The following SYNDIG1 variants were observed in gnomAD, a reference collection of about 807,000 sequenced individuals.
SYNDIG1 encodes the protein synapse differentiation inducing 1.
In SYNDIG1, 9 loss-of-function variants were observed where a neutral mutation model predicts 19.4. The ratio of observed to expected loss-of-function variants is 0.46; its 90% CI spans 0.28 to 0.81. SYNDIG1 has a LOEUF of 0.81. Ranked by LOEUF, SYNDIG1 falls within the 30% of genes least tolerant of loss-of-function variation. The pLI, the probability that SYNDIG1 is intolerant of heterozygous loss-of-function variation, is 0.12. For missense variants in SYNDIG1, 311 were observed against 343.3 expected (o/e 0.91, Z 0.74); for synonymous variants, 141 against 145.9 (o/e 0.97, Z 0.24).
rs60892856 is a variant in SYNDIG1 at position 24,560,063 on chromosome 20, C to CTTTTTTTTTTTTTTTTTTTTTTT, written c.480+16492_480+16514dup. On this transcript the variant is annotated intron_variant, in intron 2 of 3. Coordinates refer to ENST00000376862, the MANE Select transcript of SYNDIG1 (RefSeq NM_024893.3). ...TTTTTTTTAACATTTCTCTCCTCTC[C>CTTTTTTTTTTTTTTTTTTTTTTT]TTTTTTTTTTTTTTTTTTTTTTTTT... Among the ~76,000 whole-genome samples, 2 of 43,062 alleles carry CTTTTTTTTTTTTTTTTTTTTTTT rather than the reference C, an allele frequency of 4.6e-5. 1 individual carries two copies. Among genetic ancestry groups the CTTTTTTTTTTTTTTTTTTTTTTT allele is most frequent in the African/African-American group, 3.0e-4 (2 of 6,684 alleles). 28.3% of individuals were successfully genotyped at this position (43,062 alleles called of 152,430 possible).
chr20:24,584,726 G>T (rs952007606), intron 2 of SYNDIG1, 130 bp from the exon 3 acceptor site: 1 of 1,269,786 alleles, frequency 7.9e-7, no homozygotes, highest in Non-Finnish European at 1.1e-6. Flanking sequence ...CTCGAACAAC[G>T]TCAGCAACTG....
intron 2 of SYNDIG1, among the ~76,000 whole-genome samples, chr20:24,572,276 C>T (rs1374624418): frequency 6.6e-6 from 1 of 152,198 alleles, no homozygotes. Flanking sequence ...ATCCTTGCAA[C>T]CTAGGCAGCC....
chr20:24,480,298 A>G (rs934515191), intron 1 of SYNDIG1, among the ~76,000 whole-genome samples: 11 of 152,240 alleles, frequency 7.2e-5, no homozygotes, highest in Non-Finnish European at 1.6e-4. Context: ...TGCCAATATT[A>G]TATTGCCTTT....
chr20:24,500,908 C>G (rs977723078), intron 1 of SYNDIG1, among the ~76,000 whole-genome samples: 1 of 152,098 alleles, frequency 6.6e-6, no homozygotes, highest in Admixed American at 6.5e-5. Context: ...ATGCAGAACT[C>G]TGGGGAAGCC....
chr20:24,469,743 T>G lies in SYNDIG1; in HGVS notation c.-89T>G, dbSNP rs927921506. ...GCTTGGGCGCACTTGCCGGGTCACC[T>G]TGTCCCGGAGGTAAGTCCAGACCTC... On this transcript the variant is annotated 5_prime_UTR_variant, in exon 1 of 4. Coordinates refer to ENST00000376862, the MANE Select transcript of SYNDIG1 (RefSeq NM_024893.3). The G allele has an allele frequency of 3.3e-5, 5 of 151,688 alleles. No individual in the cohort carries two copies. The highest frequency in any genetic ancestry group is 1.2e-4 in the African/African-American group (5 of 41,376). 9.4% of individuals were successfully genotyped at this position (151,688 alleles called of 1,614,324 possible).
chr20:24,512,208 G>A (rs933980002), intron 1 of SYNDIG1, among the ~76,000 whole-genome samples: 16 of 147,312 alleles, frequency 1.1e-4, no homozygotes, highest in Admixed American at 2.0e-4. Flanking sequence ...AGCTCCCAGC[G>A]TGAGCGATGA....
chr20:24,643,849 T>C (rs1298520989), intron 3 of SYNDIG1, among the ~76,000 whole-genome samples: 1 of 152,200 alleles, frequency 6.6e-6, no homozygotes, highest in Admixed American at 6.5e-5. Flanking sequence ...GAAAGAGCCT[T>C]TAAATATGTG....
intron 1 of SYNDIG1, among the ~76,000 whole-genome samples, chr20:24,507,094 C>G (rs1350050963): frequency 6.6e-6 from 1 of 152,158 alleles, no homozygotes; most frequent in Non-Finnish European, 1.5e-5. Flanking sequence ...TTTAGGGAGG[C>G]TGGCCAACAC....
chr20:24,566,921 C>T (rs2058054208), intron 2 of SYNDIG1, among the ~76,000 whole-genome samples: 1 of 152,192 alleles, frequency 6.6e-6, no homozygotes, highest in African/African-American at 2.4e-5. Flanking sequence ...GGTCCAAATG[C>T]ATGTTCTCTA....
intron 2 of SYNDIG1, among the ~76,000 whole-genome samples, chr20:24,553,930 C>T (rs2057759632): frequency 6.6e-6 from 1 of 152,158 alleles, no homozygotes; most frequent in Non-Finnish European, 1.5e-5. Context: ...ATTGTTTCTT[C>T]CTACCCATGA....
intron 1 of SYNDIG1, among the ~76,000 whole-genome samples, chr20:24,529,340 A>G (rs981632995): frequency 6.6e-6 from 1 of 152,012 alleles, no homozygotes; most frequent in Non-Finnish European, 1.5e-5. Context: ...GTGGTTGTGG[A>G]TTTCTGGTAG....
chr20:24,598,180 T>C (rs2147108903), intron 3 of SYNDIG1, among the ~76,000 whole-genome samples: 1 of 152,316 alleles, frequency 6.6e-6, no homozygotes, highest in East Asian at 1.9e-4. Flanking sequence ...ACGGGCACTG[T>C]GCAGGGTATG....
intron 1 of SYNDIG1, among the ~76,000 whole-genome samples, chr20:24,485,322 T>C (rs1600399937): frequency 6.6e-6 from 1 of 152,378 alleles, no homozygotes; most frequent in Middle Eastern, 3.4e-3. Context: ...GTGCTATACT[T>C]GAGTCCATGA....
chr20:24,572,280 G>T (rs889969287), intron 2 of SYNDIG1, among the ~76,000 whole-genome samples: 1 of 152,176 alleles, frequency 6.6e-6, no homozygotes, highest in African/African-American at 2.4e-5. Flanking sequence ...TTGCAACCTA[G>T]GCAGCCCAGC....
At chr20:24,534,850 G>T (rs1165873884) in intron 1 of SYNDIG1, among the ~76,000 whole-genome samples, 1 of 152,122 alleles carries the variant, frequency 6.6e-6, no homozygotes, top group Non-Finnish European at 1.5e-5. Context: ...GACACGGTGC[G>T]GCTTCCTTTA....
In SYNDIG1 at chr20:24,472,410, A is replaced by G. The variant is rs187137055; in HGVS notation, c.-79+2657A>G. Among the ~76,000 whole-genome samples the G allele has an allele frequency of 2.6e-5, 4 of 152,382 alleles. No individual in the cohort carries two copies. The East Asian group carries it at 7.7e-4, about 29-fold the overall frequency. ...GCAATTAATTTCTTCCACATTTAGC[A>G]TTGAGATAAATTAAAAGTGCTCTAC... On this transcript the variant is annotated intron_variant, in intron 1 of 3. Coordinates refer to ENST00000376862, the MANE Select transcript of SYNDIG1 (RefSeq NM_024893.3).
chr20:24,516,317 C>T (rs2056863323), intron 1 of SYNDIG1, among the ~76,000 whole-genome samples: 1 of 152,098 alleles, frequency 6.6e-6, no homozygotes, highest in Non-Finnish European at 1.5e-5. Flanking sequence ...GCAACAAAAG[C>T]CAAAATTGAC....
chr20:24,542,797 C>G (rs1003946963), intron 1 of SYNDIG1, among the ~76,000 whole-genome samples: 1 of 152,198 alleles, frequency 6.6e-6, no homozygotes, highest in Non-Finnish European at 1.5e-5. Context: ...GAAGCAGAGA[C>G]TTTATAGAGA....
At chr20:24,652,541 C>T (rs955022278) in intron 3 of SYNDIG1, among the ~76,000 whole-genome samples, 2 of 152,192 alleles carry the variant, frequency 1.3e-5, no homozygotes, top group Non-Finnish European at 2.9e-5. Flanking sequence ...TTAACAGTTT[C>T]CAAGTGACCA....
Sources: allele counts gnomAD v4.1 joint callset (sites outside exome capture counted in the v4.1 genomes callset), GRCh38; gene constraint gnomAD v4.1.1; transcripts MANE v1.5; gene names NCBI Gene and HGNC (gene_info 2026-07-23, HGNC 2026-07-21).